The following SNX18 variants were observed in gnomAD, a reference collection of about 807,000 sequenced individuals.
SNX18 encodes the protein sorting nexin-18.
A neutral mutation model predicts 48.7 loss-of-function variants in SNX18; 35 were observed. That is an observed-to-expected ratio of 0.72 (90% CI 0.55 to 0.95). The LOEUF is 0.95. Ranked by LOEUF, SNX18 falls within the 40% of genes least tolerant of loss-of-function variation. The probability of loss-of-function intolerance (pLI) is 0.00; values close to 1 mark genes in which losing one functional copy is unlikely to be tolerated. For synonymous variants in SNX18, 492 were observed against 384.7 expected (o/e 1.28, Z -3.26); for missense variants, 824 against 871.0 (o/e 0.95, Z 0.68).
At chr5:54,570,421 A>G in the SNX18 span, among the ~76,000 whole-genome samples, 1 of 152,230 alleles carries the variant, frequency 6.6e-6, no homozygotes, top group Non-Finnish European at 1.5e-5. Context: ...AGGCAGCCCC[A>G]GGAGGCAAAC....
At chr5:54,555,246 G>T in the SNX18 span, among the ~76,000 whole-genome samples, 4 of 152,184 alleles carry the variant, frequency 2.6e-5, no homozygotes, top group Non-Finnish European at 5.9e-5. Context: ...CGGGGTACCC[G>T]ATGCTTTCTG....
chr5:54,520,805 G>C (rs1762014786), intron 1 of SNX18: 1 of 167,120 alleles, frequency 6.0e-6, no homozygotes, highest in Non-Finnish European at 1.5e-5. Flanking sequence ...TATGGGGGAA[G>C]GGGCTTGCTG....
the SNX18 span, among the ~76,000 whole-genome samples, chr5:54,638,214 T>A: frequency 2.2e-4 from 33 of 152,344 alleles, no homozygotes; most frequent in African/African-American, 7.5e-4. Context: ...ACGGTGCATT[T>A]TTAGATATAG....
At chr5:54,585,805 C>T in the SNX18 span, among the ~76,000 whole-genome samples, 3 of 151,956 alleles carry the variant, frequency 2.0e-5, no homozygotes, top group Admixed American at 6.6e-5. Context: ...AGATCGAGAC[C>T]ATCCTGGCTA....
the SNX18 span, among the ~76,000 whole-genome samples, chr5:54,564,267 A>AAAATAAAT: frequency 6.6e-6 from 1 of 151,962 alleles, no homozygotes; most frequent in African/African-American, 2.4e-5. Context: ...ACTCCATCTC[A>AAAATAAAT]AAATAAATAA....
the SNX18 span, among the ~76,000 whole-genome samples, chr5:54,590,693 T>A: frequency 6.6e-6 from 1 of 152,050 alleles, no homozygotes; most frequent in Non-Finnish European, 1.5e-5. Context: ...GGAAGGAAAA[T>A]ACATTTTTGA....
chr5:54,519,020 G>T lies in SNX18; in HGVS notation c.1068G>T (p.Leu356=). 1 of 1,613,358 alleles carries T rather than the reference G, an allele frequency of 6.2e-7. No individual in the cohort carries two copies. Among genetic ancestry groups the T allele is most frequent in the Non-Finnish European group, 8.5e-7 (1 of 1,179,618 alleles). The change falls in exon 1 of 2, where the codon CTG becomes CTT. Residue 356 remains leucine (L), a synonymous_variant. Coordinates refer to ENST00000381410, the MANE Select transcript of SNX18 (RefSeq NM_001102575.2). The part of the protein sequence containing the change: ...EDFISKRRKG[L]IWWMNHMASH... ...TCATCTCTAAGCGCAGGAAGGGCCT[G>T]ATCTGGTGGATGAACCACATGGCCA...
chr5:54,539,456 C>T (rs548759581), intron 1 of SNX18, among the ~76,000 whole-genome samples: 8 of 152,288 alleles, frequency 5.3e-5, no homozygotes, highest in Non-Finnish European at 7.4e-5. Context: ...TATTCCCTGC[C>T]CTCCACCCTG....
the SNX18 span, among the ~76,000 whole-genome samples, chr5:54,624,755 A>G: frequency 6.6e-6 from 1 of 152,234 alleles, no homozygotes; most frequent in Admixed American, 6.5e-5. Context: ...CAAAGCTAAT[A>G]TAATGATGGA....
chr5:54,578,270 C>T, the SNX18 span, among the ~76,000 whole-genome samples: 75 of 152,342 alleles, frequency 4.9e-4, 1 homozygote, highest in Admixed American at 1.9e-3. Flanking sequence ...TTACCTCTGG[C>T]GAACAGAGAA....
chr5:54,634,595 T>G, the SNX18 span, among the ~76,000 whole-genome samples: 1 of 152,074 alleles, frequency 6.6e-6, no homozygotes, highest in Non-Finnish European at 1.5e-5. Flanking sequence ...CCCAGGACAA[T>G]TCTTCTCCCA....
the SNX18 span, among the ~76,000 whole-genome samples, chr5:54,590,472 C>A: frequency 6.6e-6 from 1 of 152,082 alleles, no homozygotes; most frequent in Admixed American, 6.5e-5. Context: ...ACAGATAAGG[C>A]CTGTCTCCCT....
At chr5:54,590,589 C>T in the SNX18 span, among the ~76,000 whole-genome samples, 1 of 152,144 alleles carries the variant, frequency 6.6e-6, no homozygotes, top group East Asian at 1.9e-4. Flanking sequence ...CCTACTTATA[C>T]CTGACTAGCT....
intron 1 of SNX18, among the ~76,000 whole-genome samples, chr5:54,522,692 A>G (rs1000565140): frequency 6.6e-6 from 1 of 152,066 alleles, no homozygotes; most frequent in Non-Finnish European, 1.5e-5. Flanking sequence ...CATTCAGAAA[A>G]CACATTGGTT....
chr5:54,524,471 A>G (rs13362378), intron 1 of SNX18, among the ~76,000 whole-genome samples: 2,974 of 152,300 alleles, frequency 0.02, 98 homozygotes, highest in African/African-American at 0.067. Flanking sequence ...TAGGACTTCT[A>G]AGCATAATGC....
chr5:54,642,979 G>A, the SNX18 span, among the ~76,000 whole-genome samples: 12 of 152,246 alleles, frequency 7.9e-5, no homozygotes, highest in East Asian at 2.3e-3. Context: ...AACCTTTGCC[G>A]GGCATGGCCT....
the SNX18 span, among the ~76,000 whole-genome samples, chr5:54,594,674 A>C: frequency 6.6e-6 from 1 of 152,154 alleles, no homozygotes. Context: ...CTCTGGGGAG[A>C]AAATTCACCC....
chr5:54,611,817 G>T, the SNX18 span, among the ~76,000 whole-genome samples: 2 of 152,070 alleles, frequency 1.3e-5, no homozygotes, highest in African/African-American at 2.4e-5. Context: ...CAGTGTTGGG[G>T]TGAGGCAGGG....
downstream of SNX18, among the ~76,000 whole-genome samples, chr5:54,548,665 A>C (rs528441754): frequency 6.6e-6 from 1 of 152,228 alleles, no homozygotes; most frequent in Non-Finnish European, 1.5e-5. Context: ...CCATTTTGCA[A>C]TACTCCCTCC....
Sources: gnomAD v4.1 joint callset for allele counts (sites outside exome capture counted in the v4.1 genomes callset) on GRCh38, gnomAD v4.1.1 for gene constraint, MANE v1.5 for transcripts, NCBI Gene and HGNC (gene_info 2026-07-23, HGNC 2026-07-21) for gene names.